ADAMTS18: variants seen among roughly 807,000 people sequenced by gnomAD.
ADAMTS18 encodes the protein A disintegrin and metalloproteinase with thrombospondin motifs 18.
ADAMTS18 carries 157 observed loss-of-function variants against 165.9 expected under a neutral mutation model. That is an observed-to-expected ratio of 0.95 (90% CI 0.83 to 1.08). ADAMTS18 has a LOEUF of 1.08. Among genes scored for constraint, ADAMTS18 ranks in the 50% least tolerant of loss-of-function variants. The pLI is 0.00. For missense variants in ADAMTS18, 2,040 were observed against 1,534.0 expected (o/e 1.33, Z -5.51); for synonymous variants, 782 against 578.2 (o/e 1.35, Z -5.06).
At chr16:77,433,163 C>T (rs1332021476) in intron 2 of ADAMTS18, among the ~76,000 whole-genome samples, 1 of 152,180 alleles carries the variant, frequency 6.6e-6, no homozygotes, top group Non-Finnish European at 1.5e-5. Flanking sequence ...TAGAGAAAGT[C>T]TACCTTCTCC....
At position 77,300,262 on chromosome 16, in the gene ADAMTS18, C is replaced by T; in HGVS notation, c.2674+1G>A. 6.2e-7 allele frequency: 1 copy of T among 1,614,030 alleles called. No homozygotes were observed. The highest frequency in any genetic ancestry group is 8.5e-7 in the Non-Finnish European group (1 of 1,179,926). On this transcript the variant is annotated splice_donor_variant, in intron 17 of 22. Coordinates refer to ENST00000282849, the MANE Select transcript of ADAMTS18 (RefSeq NM_199355.4). LOFTEE classifies it high-confidence loss of function. ...GGAGACAGAATGAGAAAATCATCTACCTCCACCACAGGAGACGGAGCACTC... is the reference window on the plus strand; with the variant it reads ...GGAGACAGAATGAGAAAATCATCTATCTCCACCACAGGAGACGGAGCACTC...
chr16:77,428,882 T>C (rs7186752), intron 3 of ADAMTS18, among the ~76,000 whole-genome samples: 26 of 152,308 alleles, frequency 1.7e-4, no homozygotes, highest in African/African-American at 6.0e-4. Flanking sequence ...ATACATACTC[T>C]GTGACTCAAC....
chr16:77,340,710 T>C (rs1277860653), intron 11 of ADAMTS18, among the ~76,000 whole-genome samples: 1 of 152,062 alleles, frequency 6.6e-6, no homozygotes, highest in Non-Finnish European at 1.5e-5. Flanking sequence ...CCTCCCAAAG[T>C]GCTGGGACTA....
intron 11 of ADAMTS18, among the ~76,000 whole-genome samples, chr16:77,338,299 G>T (rs761884649): frequency 6.6e-6 from 1 of 152,008 alleles, no homozygotes; most frequent in Non-Finnish European, 1.5e-5. Context: ...GCAGTGGCAC[G>T]ATCTTGGCAC....
At chr16:77,326,619 G>A (rs2056100039) in intron 12 of ADAMTS18, among the ~76,000 whole-genome samples, 1 of 152,196 alleles carries the variant, frequency 6.6e-6, no homozygotes, top group Admixed American at 6.5e-5. Context: ...CTCGGTTCAA[G>A]TGATCCACCC....
chr16:77,301,834 C>A (rs762005973), intron 16 of ADAMTS18, among the ~76,000 whole-genome samples: 25 of 152,072 alleles, frequency 1.6e-4, no homozygotes, highest in Non-Finnish European at 2.4e-4. Context: ...TAGAAATAAT[C>A]AAATGTTAAT....
At chr16:77,355,497 C>T (rs926137921) in intron 9 of ADAMTS18, among the ~76,000 whole-genome samples, 2 of 152,042 alleles carry the variant, frequency 1.3e-5, no homozygotes, top group Non-Finnish European at 2.9e-5. Context: ...ACACATTGAT[C>T]GATAACATTG....
chr16:77,354,003 G>T, intron 9 of ADAMTS18, 117 bp from the exon 10 acceptor site: 1 of 1,265,302 alleles, frequency 7.9e-7, no homozygotes, highest in Non-Finnish European at 1.1e-6. Flanking sequence ...TCTAGAAACA[G>T]GTATATGTTT....
At chr16:77,433,143 T>G (rs1208803272) in intron 2 of ADAMTS18, among the ~76,000 whole-genome samples, 1 of 152,220 alleles carries the variant, frequency 6.6e-6, no homozygotes, top group Non-Finnish European at 1.5e-5. Flanking sequence ...CTTGATTATG[T>G]GCAATTTCTT....
At chr16:77,326,115 A>G (rs2056091823) in intron 12 of ADAMTS18, 77 bp from the exon 13 acceptor site, 1 of 1,441,824 alleles carries the variant, frequency 6.9e-7, no homozygotes, top group Admixed American at 1.8e-5. Flanking sequence ...ATATGAAGAG[A>G]GGCAATGAAG....
At chr16:77,425,295 C>CA (rs2057657359) in intron 3 of ADAMTS18, among the ~76,000 whole-genome samples, 1 of 152,098 alleles carries the variant, frequency 6.6e-6, no homozygotes, top group African/African-American at 2.4e-5. Flanking sequence ...AACCGAGTGA[C>CA]AAAATTGGAT....
rs142623385 is a variant in ADAMTS18 at position 77,352,361 on chromosome 16, T to C, written c.1614+1372A>G. On this transcript the variant is annotated intron_variant, in intron 10 of 22. Transcript: ENST00000282849. The stretch of plus-strand genomic sequence containing the variant: ...ACTGAAGTTTAGGAAACACTAGTAA[T>C]AGTGACTGGTACCAGTCACCGGTGA... Among the ~76,000 whole-genome samples, 15 of 152,270 alleles carry C rather than the reference T, an allele frequency of 9.9e-5. No individual in the cohort carries two copies. The East Asian group carries it at 2.9e-3, about 29-fold the overall frequency.
intron 12 of ADAMTS18, among the ~76,000 whole-genome samples, chr16:77,333,040 C>G (rs778526254): frequency 2.0e-5 from 3 of 152,138 alleles, no homozygotes; most frequent in Non-Finnish European, 2.9e-5. Flanking sequence ...GCCGGCCAAA[C>G]TTTTCTGTTC....
intron 16 of ADAMTS18, among the ~76,000 whole-genome samples, chr16:77,317,318 C>T (rs1366760145): frequency 6.6e-6 from 1 of 152,126 alleles, no homozygotes; most frequent in Non-Finnish European, 1.5e-5. Flanking sequence ...GTGCATGTGA[C>T]ACAGAGGAAC....
At chr16:77,287,029 C>G (rs115568674) in intron 22 of ADAMTS18, among the ~76,000 whole-genome samples, 2 of 152,126 alleles carry the variant, frequency 1.3e-5, no homozygotes, top group Non-Finnish European at 2.9e-5. Flanking sequence ...GACAACAAAG[C>G]TGTTTGGTGA....
At chr16:77,372,739 G>C (rs564145987) in intron 3 of ADAMTS18, among the ~76,000 whole-genome samples, 12 of 152,226 alleles carry the variant, frequency 7.9e-5, no homozygotes, top group African/African-American at 2.6e-4. Flanking sequence ...ATATACCTCA[G>C]AGAAGCCCAC....
chr16:77,312,074 A>T (rs1439525478), intron 16 of ADAMTS18, among the ~76,000 whole-genome samples: 1 of 152,174 alleles, frequency 6.6e-6, no homozygotes, highest in African/African-American at 2.4e-5. Flanking sequence ...TTTTATTTAG[A>T]TCTACTCAAC....
chr16:77,410,186 A>T (rs959601745), intron 3 of ADAMTS18, among the ~76,000 whole-genome samples: 1 of 152,058 alleles, frequency 6.6e-6, no homozygotes, highest in Non-Finnish European at 1.5e-5. Context: ...AATCAGATGT[A>T]GTCTCTTCTA....
intron 16 of ADAMTS18, among the ~76,000 whole-genome samples, chr16:77,315,676 C>T (rs968868861): frequency 3.3e-5 from 5 of 152,180 alleles, no homozygotes; most frequent in Admixed American, 6.5e-5. Flanking sequence ...AACATTTCTT[C>T]ACAAGGCACA....
Sources: allele counts gnomAD v4.1 joint callset (sites outside exome capture counted in the v4.1 genomes callset), GRCh38; gene constraint gnomAD v4.1.1; transcripts MANE v1.5; gene names NCBI Gene and HGNC (gene_info 2026-07-23, HGNC 2026-07-21).